CLDN16: variants seen among roughly 807,000 people sequenced by gnomAD.
The protein encoded by CLDN16 is claudin 16.
In CLDN16, 13 loss-of-function variants were observed where a neutral mutation model predicts 24.6. That is an observed-to-expected ratio of 0.53 (90% CI 0.34 to 0.84). The LOEUF (loss-of-function observed/expected upper bound fraction) is 0.84. Ranked by LOEUF, CLDN16 falls within the 40% of genes least tolerant of loss-of-function variation. The probability of loss-of-function intolerance (pLI) is 0.01; values close to 1 mark genes in which losing one functional copy is unlikely to be tolerated. For synonymous variants in CLDN16, 116 were observed against 106.7 expected (o/e 1.09, Z -0.54); for missense variants, 298 against 292.7 (o/e 1.02, Z -0.13).
At chr3:190,336,110 G>GA (rs200241584) in intron 1 of CLDN16, among the ~76,000 whole-genome samples, 6 of 150,736 alleles carry the variant, frequency 4.0e-5, no homozygotes, top group Middle Eastern at 3.4e-3. Flanking sequence ...TTACTCAGGA[G>GA]AAAAAAAAAT....
At chr3:190,313,889 C>G in the CLDN16 span, among the ~76,000 whole-genome samples, 1 of 152,116 alleles carries the variant, frequency 6.6e-6, no homozygotes, top group African/African-American at 2.4e-5. Flanking sequence ...AGAGTAAAAA[C>G]TTGATGCCAT....
At chr3:190,336,098 G>C (rs1485604406) in intron 1 of CLDN16, among the ~76,000 whole-genome samples, 1 of 152,006 alleles carries the variant, frequency 6.6e-6, no homozygotes. Flanking sequence ...TGTGCCTTTT[G>C]GTTACTCAGG....
chr3:190,296,792 C>T, the CLDN16 span, among the ~76,000 whole-genome samples: 25,096 of 151,918 alleles, frequency 0.17, 2,434 homozygotes, highest in African/African-American at 0.27. Context: ...CCTCGTGATC[C>T]GCCCGTCTTG....
intron 1 of CLDN16, among the ~76,000 whole-genome samples, chr3:190,399,733 C>T (rs759126069): frequency 1.3e-5 from 2 of 152,078 alleles, no homozygotes; most frequent in Non-Finnish European, 2.9e-5. Flanking sequence ...CAATAGCCAT[C>T]CTAGAGTGCT....
At chr3:190,349,836 G>C in intron 1 of CLDN16, among the ~76,000 whole-genome samples, 1 of 152,160 alleles carries the variant, frequency 6.6e-6, no homozygotes, top group East Asian at 1.9e-4. Flanking sequence ...GCTGCCCCAG[G>C]CAAGCCTATC....
At chr3:190,312,905 C>T in the CLDN16 span, 1 of 1,614,176 alleles carries the variant, frequency 6.2e-7, no homozygotes, top group Admixed American at 1.7e-5. Context: ...CCAATGACAG[C>T]CATCCTCATC....
chr3:190,365,231 T>C (rs903886837), intron 1 of CLDN16, among the ~76,000 whole-genome samples: 4 of 151,808 alleles, frequency 2.6e-5, no homozygotes, highest in African/African-American at 9.7e-5. Flanking sequence ...TGGCCTATGT[T>C]CTTTTGGGAT....
chr3:190,303,030 T>C, the CLDN16 span, among the ~76,000 whole-genome samples: 1 of 151,888 alleles, frequency 6.6e-6, no homozygotes, highest in Non-Finnish European at 1.5e-5. Context: ...TATTATAATA[T>C]TTAAAATATT....
intron 1 of CLDN16, among the ~76,000 whole-genome samples, chr3:190,329,150 A>G (rs892302317): frequency 2.6e-5 from 4 of 152,186 alleles, no homozygotes; most frequent in Non-Finnish European, 4.4e-5. Flanking sequence ...AGGAAGAGAT[A>G]TAAGTTAATT....
the CLDN16 span, chr3:190,307,085 T>C: frequency 1.3e-5 from 2 of 152,638 alleles, no homozygotes; most frequent in South Asian, 4.1e-4. Context: ...TATAAACTAA[T>C]TAATATTCAC....
At chr3:190,355,980 T>C (rs1218887685) in intron 1 of CLDN16, among the ~76,000 whole-genome samples, 1 of 151,720 alleles carries the variant, frequency 6.6e-6, no homozygotes, top group East Asian at 1.9e-4. Flanking sequence ...ATGAAGAAAG[T>C]CAGGGTCACT....
chr3:190,409,338 G>C (rs1321906577), intron 4 of CLDN16, among the ~76,000 whole-genome samples: 1 of 143,684 alleles, frequency 7.0e-6, no homozygotes, highest in Non-Finnish European at 1.5e-5. Context: ...ATGTATATTA[G>C]AATTATACAT....
chr3:190,398,316 C>A (rs192924408), intron 1 of CLDN16, among the ~76,000 whole-genome samples: 4 of 152,274 alleles, frequency 2.6e-5, no homozygotes, highest in Non-Finnish European at 5.9e-5. Context: ...AAGAAGTTGG[C>A]AAGGCTGCGC....
At chr3:190,358,158 A>T (rs913934056) in intron 1 of CLDN16, among the ~76,000 whole-genome samples, 13 of 152,048 alleles carry the variant, frequency 8.5e-5, no homozygotes, top group African/African-American at 2.9e-4. Context: ...TCTTCCACAA[A>T]TAAGAATAAA....
chr3:190,393,204 A>G (rs1718724000), intron 1 of CLDN16, among the ~76,000 whole-genome samples: 1 of 152,220 alleles, frequency 6.6e-6, no homozygotes, highest in South Asian at 2.1e-4. Context: ...GTTACTCACC[A>G]AGAGTTTAAA....
intron 1 of CLDN16, among the ~76,000 whole-genome samples, chr3:190,363,349 A>G (rs1717942031): frequency 6.6e-6 from 1 of 150,974 alleles, no homozygotes; most frequent in South Asian, 2.1e-4. Flanking sequence ...TCATTCATTC[A>G]ATCTGTCTTT....
chr3:190,368,890 G>A (rs1401267003), intron 1 of CLDN16, among the ~76,000 whole-genome samples: 5 of 151,786 alleles, frequency 3.3e-5, no homozygotes, highest in Non-Finnish European at 5.9e-5. Flanking sequence ...TTGATTTTCT[G>A]TTGCTTGCTA....
At chr3:190,358,875 AT>A (rs922742019) in intron 1 of CLDN16, among the ~76,000 whole-genome samples, 1 of 152,032 alleles carries the variant, frequency 6.6e-6, no homozygotes, top group African/African-American at 2.4e-5. Context: ...ATATAATCCA[AT>A]TTAATGGGTA....
chr3:190,409,224 A>ATGCATGTATATATGCACACACGTATT lies in CLDN16; in HGVS notation c.575-654_575-653insTTGCATGTATATATGCACACACGTAT, dbSNP rs1230165989. ...TGCATGTATATATGCACACACGTAT[A>ATGCATGTATATATGCACACACGTATT]TGCATGTATATATGCACACACGTAT... On this transcript the variant is annotated intron_variant, in intron 4 of 4. Transcript: ENST00000264734. 2.4e-4 allele frequency among the ~76,000 whole-genome samples: 37 copies of ATGCATGTATATATGCACACACGTATT among 152,032 alleles called. 2 individuals carry two copies. The highest frequency in any genetic ancestry group is 1.3e-4 in the Admixed American group (2 of 15,268).
Sources: allele counts gnomAD v4.1 joint callset (sites outside exome capture counted in the v4.1 genomes callset), GRCh38; gene constraint gnomAD v4.1.1; transcripts MANE v1.5; gene names NCBI Gene and HGNC (gene_info 2026-07-23, HGNC 2026-07-21).